The following ABCB4 variants were observed in gnomAD, a reference collection of about 807,000 sequenced individuals.
ABCB4 encodes phosphatidylcholine translocator ABCB4.
A neutral mutation model predicts 145.7 loss-of-function variants in ABCB4; 76 were observed. The ratio of observed to expected loss-of-function variants is 0.52; its 90% CI spans 0.43 to 0.63. ABCB4 has a LOEUF of 0.63. Ranked by LOEUF, ABCB4 falls within the 30% of genes least tolerant of loss-of-function variation. The pLI is 0.00. For synonymous variants in ABCB4, 517 were observed against 566.8 expected (o/e 0.91, Z 1.25); for missense variants, 1,234 against 1,553.1 (o/e 0.79, Z 3.45).
intron 20 of ABCB4, 60 bp from the exon 21 acceptor site, chr7:87,417,575 C>T (rs762655624): frequency 1.4e-6 from 2 of 1,403,388 alleles, no homozygotes; most frequent in South Asian, 2.3e-5. Flanking sequence ...TGCGCTCCAG[C>T]CTTAGCCTCT....
intron 21 of ABCB4, among the ~76,000 whole-genome samples, chr7:87,414,494 T>C (rs1477971435): frequency 6.6e-6 from 1 of 152,188 alleles, no homozygotes; most frequent in Non-Finnish European, 1.5e-5. Flanking sequence ...TTATATCAAA[T>C]CGCTTTTACC....
At chr7:87,382,811 C>T in the ABCB4 span, among the ~76,000 whole-genome samples, 1 of 152,150 alleles carries the variant, frequency 6.6e-6, no homozygotes, top group Non-Finnish European at 1.5e-5. Context: ...CTTTGGCATT[C>T]AGATCGCTTG....
At chr7:87,417,237 TC>T in intron 21 of ABCB4, 74 bp downstream of exon 21, 1 of 1,376,938 alleles carries the variant, frequency 7.3e-7, no homozygotes, top group Non-Finnish European at 1.0e-6. Flanking sequence ...AGCCTGCATA[TC>T]ATGATAAATA....
chr7:87,386,883 A>G, the ABCB4 span, among the ~76,000 whole-genome samples: 1 of 152,072 alleles, frequency 6.6e-6, no homozygotes, highest in African/African-American at 2.4e-5. Context: ...TTTTTACCCT[A>G]TAGGCAAAGA....
downstream of ABCB4, among the ~76,000 whole-genome samples, chr7:87,397,083 GT>G: frequency 6.6e-6 from 1 of 152,220 alleles, no homozygotes; most frequent in Non-Finnish European, 1.5e-5. Flanking sequence ...GCTAGGCATG[GT>G]GGCTCACGCC....
At chr7:87,410,952 G>T (rs1406131113) in intron 23 of ABCB4, among the ~76,000 whole-genome samples, 1 of 152,138 alleles carries the variant, frequency 6.6e-6, no homozygotes. Context: ...CTTGCCTTTA[G>T]GCTTAGGGTG....
At chr7:87,410,390 A>T (rs1808531274) in intron 23 of ABCB4, among the ~76,000 whole-genome samples, 3 of 152,180 alleles carry the variant, frequency 2.0e-5, no homozygotes, top group African/African-American at 7.2e-5. Flanking sequence ...CTTTCCTTTA[A>T]ATGCTTGACG....
At chr7:87,388,628 A>G in the ABCB4 span, among the ~76,000 whole-genome samples, 1 of 152,230 alleles carries the variant, frequency 6.6e-6, no homozygotes, top group Non-Finnish European at 1.5e-5. Flanking sequence ...AATTAACTCA[A>G]GATGGATTAA....
At chr7:87,463,891 C>T (rs1322893992) in intron 3 of ABCB4, among the ~76,000 whole-genome samples, 1 of 152,214 alleles carries the variant, frequency 6.6e-6, no homozygotes, top group Admixed American at 6.5e-5. Context: ...TTCCATTTCT[C>T]ACCTTTTCTT....
the ABCB4 span, among the ~76,000 whole-genome samples, chr7:87,388,633 G>A: frequency 6.6e-6 from 1 of 152,098 alleles, no homozygotes; most frequent in South Asian, 2.1e-4. Context: ...ACTCAAGATG[G>A]ATTAAAGACT....
rs1812553892 is a variant in ABCB4, at chr7:87,462,826, A to AG, written c.217dup (p.Leu73ProfsTer11). 1 of 1,613,820 alleles carries AG rather than the reference A, an allele frequency of 6.2e-7. No homozygotes were observed. Among genetic ancestry groups the AG allele is most frequent in the Non-Finnish European group, 8.5e-7 (1 of 1,179,758 alleles). ...CATCTCTCCAAATACTATCATCATG[A>AG]GGGGGAGACCTGATCCGTGAGCTAT... On this transcript the variant is annotated frameshift_variant, in exon 4 of 28. Transcript: ENST00000649586. LOFTEE classifies it high-confidence loss of function.
the ABCB4 span, chr7:87,382,155 C>A: frequency 1.1e-5 from 18 of 1,612,094 alleles, no homozygotes; most frequent in Admixed American, 1.3e-4. Flanking sequence ...TGACATCAAC[C>A]AAGCTAAAGC....
chr7:87,413,340 A>G (rs1808752960), intron 22 of ABCB4, among the ~76,000 whole-genome samples: 1 of 152,234 alleles, frequency 6.6e-6, no homozygotes, highest in East Asian at 1.9e-4. Flanking sequence ...TAGGTTATTT[A>G]TGTTGCCTGC....
intron 8 of ABCB4, among the ~76,000 whole-genome samples, chr7:87,447,637 C>T (rs1811437167): frequency 6.6e-6 from 1 of 152,184 alleles, no homozygotes; most frequent in Admixed American, 6.5e-5. Context: ...TGTCTCTTCT[C>T]TGGAGAAAAG....
intron 6 of ABCB4, chr7:87,452,442 A>G (rs1299847440): frequency 1.2e-5 from 2 of 162,296 alleles, no homozygotes; most frequent in Non-Finnish European, 1.3e-5. Context: ...CCCAGTCAGG[A>G]AAGTTTATCA....
At chr7:87,420,332 G>C (rs980610430) in intron 18 of ABCB4, among the ~76,000 whole-genome samples, 12 of 152,156 alleles carry the variant, frequency 7.9e-5, no homozygotes, top group African/African-American at 2.9e-4. Context: ...GATTCAATCA[G>C]ATTGAGCTCT....
intron 18 of ABCB4, among the ~76,000 whole-genome samples, chr7:87,421,167 T>A (rs1277778931): frequency 1.3e-5 from 2 of 152,168 alleles, no homozygotes; most frequent in East Asian, 3.9e-4. Context: ...TTCTGGGACG[T>A]GTGAGTCTCC....
intron 15 of ABCB4, among the ~76,000 whole-genome samples, chr7:87,428,148 A>C (rs1809964661): frequency 6.6e-6 from 1 of 152,192 alleles, no homozygotes; most frequent in African/African-American, 2.4e-5. Context: ...CAAGAGGTCC[A>C]TCTCAATGGA....
At chr7:87,437,775 G>A in intron 14 of ABCB4, among the ~76,000 whole-genome samples, 1 of 152,160 alleles carries the variant, frequency 6.6e-6, no homozygotes, top group Non-Finnish European at 1.5e-5. Context: ...TCCAATCCCA[G>A]CCTAGCATCA....
Sources: gnomAD v4.1 joint callset for allele counts (sites outside exome capture counted in the v4.1 genomes callset) on GRCh38, gnomAD v4.1.1 for gene constraint, MANE v1.5 for transcripts, NCBI Gene and HGNC (gene_info 2026-07-23, HGNC 2026-07-21) for gene names.